DAB1: variants seen among roughly 807,000 people sequenced by gnomAD.
DAB1 encodes DAB adaptor protein 1.
Under a neutral mutation model 64.6 loss-of-function variants are expected in DAB1, and 15 were observed. That is an observed-to-expected ratio of 0.23 (90% CI 0.16 to 0.36). The LOEUF (loss-of-function observed/expected upper bound fraction) is 0.36, where lower values mean the gene tolerates loss of function less well. Ranked by LOEUF, DAB1 falls within the 10% of genes least tolerant of loss-of-function variation. The probability of loss-of-function intolerance (pLI) is 1.00; values close to 1 mark genes in which losing one functional copy is unlikely to be tolerated. For missense variants in DAB1, 596 were observed against 706.7 expected (o/e 0.84, Z 1.78); for synonymous variants, 235 against 251.9 (o/e 0.93, Z 0.64).
At chr1:57,521,472 T>A (rs947658533) in intron 7 of DAB1, among the ~76,000 whole-genome samples, 1 of 152,074 alleles carries the variant, frequency 6.6e-6, no homozygotes, top group Non-Finnish European at 1.5e-5. Context: ...AGCTAAACCA[T>A]ATTCATCTCA....
At chr1:58,103,670 G>A (rs1651463387) in intron 5 of DAB1, among the ~76,000 whole-genome samples, 1 of 151,886 alleles carries the variant, frequency 6.6e-6, no homozygotes, top group Non-Finnish European at 1.5e-5. Context: ...TTACAATATT[G>A]CATTGAGTAT....
chr1:57,207,774 C>T (rs1320249069), intron 2 of DAB1, among the ~76,000 whole-genome samples: 1 of 152,154 alleles, frequency 6.6e-6, no homozygotes, highest in East Asian at 1.9e-4. Flanking sequence ...AACTCAACTG[C>T]CTCTCTAGAT....
At chr1:57,378,868 T>G (rs540722141) in intron 1 of DAB1, among the ~76,000 whole-genome samples, 4 of 152,316 alleles carry the variant, frequency 2.6e-5, no homozygotes, top group African/African-American at 9.6e-5. Context: ...ATTGAGGATG[T>G]CACTGCTTAC....
chr1:57,273,544 TGC>T (rs1671186340), intron 2 of DAB1, among the ~76,000 whole-genome samples: 1 of 67,820 alleles, frequency 1.5e-5, no homozygotes, highest in African/African-American at 5.6e-5. Flanking sequence ...CCTGCCTGCC[TGC>T]CTGCCTGCCT....
At chr1:58,391,078 C>G (rs1375749607) in intron 3 of DAB1, among the ~76,000 whole-genome samples, 1 of 152,148 alleles carries the variant, frequency 6.6e-6, no homozygotes, top group Non-Finnish European at 1.5e-5. Flanking sequence ...TCGAGTATTT[C>G]AAGCAGAGGA....
chr1:58,358,365 T>C (rs1644130982), intron 3 of DAB1, among the ~76,000 whole-genome samples: 1 of 152,124 alleles, frequency 6.6e-6, no homozygotes, highest in Non-Finnish European at 1.5e-5. Context: ...AGAACCAATA[T>C]TTATTGCGCT....
intron 4 of DAB1, among the ~76,000 whole-genome samples, chr1:58,316,981 A>G (rs1042318226): frequency 6.6e-6 from 1 of 152,220 alleles, no homozygotes. Context: ...ATCTAACTTA[A>G]TCATTACAAT....
At chr1:57,636,096 C>CAAAAAAA (rs61007751) in intron 7 of DAB1, among the ~76,000 whole-genome samples, 55 of 64,930 alleles carry the variant, frequency 8.5e-4, no homozygotes, top group African/African-American at 2.9e-3. Context: ...GACACGGTCT[C>CAAAAAAA]AAAAAAAAAA....
intron 7 of DAB1, among the ~76,000 whole-genome samples, chr1:57,607,976 C>A (rs1241795561): frequency 6.6e-6 from 1 of 152,092 alleles, no homozygotes; most frequent in African/African-American, 2.4e-5. Flanking sequence ...ACAGAGCATG[C>A]AACATGGGGC....
chr1:58,131,089 G>A (rs1190332034), intron 5 of DAB1, among the ~76,000 whole-genome samples: 1 of 141,206 alleles, frequency 7.1e-6, no homozygotes, highest in African/African-American at 2.7e-5. Flanking sequence ...TCACTTTCAG[G>A]TACACCAATC....
chr1:58,305,451 T>A (rs538500244), intron 4 of DAB1, among the ~76,000 whole-genome samples: 1 of 152,318 alleles, frequency 6.6e-6, no homozygotes, highest in East Asian at 1.9e-4. Flanking sequence ...ATCTTTCACA[T>A]TGTGGTAATA....
intron 3 of DAB1, among the ~76,000 whole-genome samples, chr1:58,505,746 CA>C (rs1386881029): frequency 2.0e-5 from 3 of 152,122 alleles, no homozygotes; most frequent in Admixed American, 1.3e-4. Context: ...TTATCATCAA[CA>C]TGTTTAAAAA....
chr1:57,963,509 A>G (rs908044677), intron 5 of DAB1, among the ~76,000 whole-genome samples: 3 of 152,182 alleles, frequency 2.0e-5, no homozygotes, highest in Admixed American at 2.0e-4. Flanking sequence ...GCTGGTGAAG[A>G]ATCTTATTCC....
chr1:58,148,726 C>A (rs1215342029), intron 5 of DAB1, among the ~76,000 whole-genome samples: 1 of 151,994 alleles, frequency 6.6e-6, no homozygotes, highest in Non-Finnish European at 1.5e-5. Flanking sequence ...ATAAAACCAT[C>A]GGATCTCTCG....
chr1:57,314,354 C>G (rs1675001999), intron 1 of DAB1, among the ~76,000 whole-genome samples: 1 of 152,240 alleles, frequency 6.6e-6, no homozygotes, highest in Admixed American at 6.5e-5. Flanking sequence ...CAGGCTCTGT[C>G]AGCTGAAGCT....
At chr1:58,283,957 G>C (rs1382297462) in intron 4 of DAB1, among the ~76,000 whole-genome samples, 1 of 152,188 alleles carries the variant, frequency 6.6e-6, no homozygotes, top group African/African-American at 2.4e-5. Context: ...TGCTGTGAAA[G>C]GCACAAATTG....
intron 4 of DAB1, among the ~76,000 whole-genome samples, chr1:58,173,984 C>T (rs1656319320): frequency 6.6e-6 from 1 of 152,186 alleles, no homozygotes; most frequent in Non-Finnish European, 1.5e-5. Flanking sequence ...ACCACACACT[C>T]TCAAAGGATT....
chr1:58,398,288 T>G (rs990133932), intron 3 of DAB1, among the ~76,000 whole-genome samples: 6 of 152,230 alleles, frequency 3.9e-5, no homozygotes, highest in African/African-American at 1.4e-4. Flanking sequence ...TCAAGCTGTT[T>G]TCAACCTCCC....
intron 3 of DAB1, among the ~76,000 whole-genome samples, chr1:58,435,333 C>T (rs1338439105): frequency 6.6e-6 from 1 of 152,084 alleles, no homozygotes; most frequent in Non-Finnish European, 1.5e-5. Flanking sequence ...GCTGATGTTC[C>T]ATTCTCACCA....
Sources: allele counts gnomAD v4.1 joint callset (sites outside exome capture counted in the v4.1 genomes callset), GRCh38; gene constraint gnomAD v4.1.1; transcripts MANE v1.5; gene names NCBI Gene and HGNC (gene_info 2026-07-23, HGNC 2026-07-21).